DHRS4L2: variants seen among roughly 807,000 people sequenced by gnomAD.
DHRS4L2 encodes dehydrogenase/reductase 4 like 2.
A neutral mutation model predicts 23.9 loss-of-function variants in DHRS4L2; 22 were observed. That is an observed-to-expected ratio of 0.92 (90% confidence interval 0.66 to 1.31). The LOEUF is 1.31. DHRS4L2 is among the 40% of genes most tolerant of loss of function. The pLI, the probability that DHRS4L2 is intolerant of heterozygous loss-of-function variation, is 0.00. For synonymous variants in DHRS4L2, 141 were observed against 123.7 expected (o/e 1.14, Z -0.93); for missense variants, 385 against 303.3 (o/e 1.27, Z -2.00).
upstream of DHRS4L2, among the ~76,000 whole-genome samples, chr14:23,986,512 AAAAAAAAAGAAAG>A (rs2034143142): frequency 7.3e-6 from 1 of 137,270 alleles, no homozygotes; most frequent in Non-Finnish European, 1.6e-5. Flanking sequence ...TATAATAAAA[AAAAAAAAAGAAAG>A]AAAGAAAGAA....
intron 1 of DHRS4L2, among the ~76,000 whole-genome samples, chr14:23,972,166 A>T (rs562231308): frequency 1.3e-5 from 2 of 152,056 alleles, no homozygotes; most frequent in African/African-American, 4.8e-5. Flanking sequence ...TGACTTCAAG[A>T]ATGAAGCTGC....
At chr14:23,992,548 A>G (rs1594468167) in intron 2 of DHRS4L2, among the ~76,000 whole-genome samples, 1 of 151,318 alleles carries the variant, frequency 6.6e-6, no homozygotes. Context: ...CTGGTGTTGT[A>G]AGTGGAAACC....
At position 23,999,355 on chromosome 14, in the gene DHRS4L2, A is replaced by AC. The variant is rs1353672790; in HGVS notation, c.409-1508_409-1507insC. Among the ~76,000 whole-genome samples the AC allele has an allele frequency of 3.9e-5, 5 of 128,502 alleles. 1 individual carries two copies. The highest frequency in any genetic ancestry group is 7.5e-5 in the Admixed American group (1 of 13,316). The allele number at this position is 128,502 out of a possible 152,430, so 84.3% of individuals were successfully genotyped here. On this transcript the variant is annotated intron_variant, in intron 3 of 7. Transcript: ENST00000335125. ...GAAACTCCAATTTGTAAAAAAAAAAAAAAAAAAAAAAAAAAAAAACAATAT... is the reference window on the plus strand; with the variant it reads ...GAAACTCCAATTTGTAAAAAAAAAAACAAAAAAAAAAAAAAAAAAACAATAT...
At chr14:23,992,307 C>T (rs61999849) in intron 2 of DHRS4L2, among the ~76,000 whole-genome samples, 3,496 of 151,458 alleles carry the variant, frequency 0.023, 110 homozygotes, top group Middle Eastern at 0.054. Flanking sequence ...TTAGTGGAAA[C>T]GAACCAAGAT....
upstream of DHRS4L2, chr14:23,987,231 T>G: frequency 2.8e-6 from 1 of 357,292 alleles, no homozygotes; most frequent in South Asian, 2.0e-5. Flanking sequence ...CCCGTGTTCA[T>G]GCCATTCCCC....
At chr14:23,999,125 G>T (rs2034436424) in intron 3 of DHRS4L2, among the ~76,000 whole-genome samples, 1 of 143,652 alleles carries the variant, frequency 7.0e-6, no homozygotes, top group Non-Finnish European at 1.5e-5. Flanking sequence ...TTTCAATTAA[G>T]TTGACCTTCT....
intron 7 of DHRS4L2, chr14:24,004,686 A>T (rs2034540173): frequency 3.6e-6 from 2 of 548,930 alleles, no homozygotes; most frequent in Non-Finnish European, 3.2e-6. Context: ...ATCCATGGAG[A>T]CCAGGGACCA....
rs5000557 is a variant in DHRS4L2, at chr14:23,992,298, T to C, written c.306+1939T>C. On this transcript the variant is annotated intron_variant, in intron 2 of 7. Transcript: ENST00000335125. The stretch of plus-strand genomic sequence containing the variant: ...GGAATAGATGTGCCCAAGAGACATT[T>C]AGTGGAAACGAACCAAGATTTTCCA... Among the ~76,000 whole-genome samples the C allele has an allele frequency of 6.7e-4, 101 of 149,806 alleles. 1 individual carries two copies. Among genetic ancestry groups the C allele is most frequent in the African/African-American group, 2.0e-3 (82 of 40,192 alleles).
chr14:24,004,119 A>C (rs1330198178), intron 6 of DHRS4L2, among the ~76,000 whole-genome samples: 2 of 146,632 alleles, frequency 1.4e-5, no homozygotes, highest in Non-Finnish European at 3.0e-5. Context: ...AAATACAAAA[A>C]ATTAGCCGGG....
rs371577743 is a variant in DHRS4L2 at position 23,990,394 on chromosome 14, G to A, written c.306+35G>A. 6.3e-6 allele frequency: 10 copies of A among 1,585,980 alleles called. No homozygotes were observed. The African/African-American group carries it at 1.1e-4, about 17-fold the overall frequency. On this transcript the variant is annotated intron_variant, in intron 2 of 7. Transcript: ENST00000335125. ...AGGGAAATGGGCACAGAGCCAGGAGGTGGAAAAGGAAGCCAGCCTGAGCCT... is the reference window on the plus strand; with the variant it reads ...AGGGAAATGGGCACAGAGCCAGGAGATGGAAAAGGAAGCCAGCCTGAGCCT...
intron 1 of DHRS4L2, among the ~76,000 whole-genome samples, chr14:23,989,704 C>T (rs1156403934): frequency 6.6e-6 from 1 of 151,770 alleles, no homozygotes; most frequent in African/African-American, 2.4e-5. Flanking sequence ...ATGTGTAACT[C>T]TTCTTCCCAA....
In DHRS4L2 at chr14:23,988,987, C is replaced by G. The variant is rs372560000; in HGVS notation, c.40C>G (p.Arg14Gly). The G allele has an allele frequency of 5.4e-5, 87 of 1,611,410 alleles. 2 individuals carry two copies. The highest frequency in any genetic ancestry group is 5.0e-4 in the Admixed American group (30 of 59,906). The part of the protein sequence containing the change: ...ARLLGLCAWA[R>G]KSVRMASSRM... ...GCTGCTAGGCCTCTGTGCCTGGGCA[C>G]GGAAGTCGGTGCGGATGGCCAGCTC... is the stretch of plus-strand genomic sequence containing the variant. The change falls in exon 1 of 8, where the codon CGG (arginine) becomes GGG (glycine). Residue 14 changes from arginine to glycine, a missense_variant. Coordinates refer to ENST00000335125, the MANE Select transcript of DHRS4L2 (RefSeq NM_198083.4).
At chr14:23,979,115 A>G (rs1190817999) in intron 1 of DHRS4L2, among the ~76,000 whole-genome samples, 1 of 146,784 alleles carries the variant, frequency 6.8e-6, no homozygotes, top group East Asian at 2.2e-4. Context: ...TACCAAGCAA[A>G]TGCAAAGCAA....
intron 2 of DHRS4L2, among the ~76,000 whole-genome samples, chr14:23,992,572 A>G (rs1309159322): frequency 6.6e-6 from 1 of 151,264 alleles, no homozygotes; most frequent in East Asian, 1.9e-4. Context: ...GTAGCTGCCT[A>G]TCTGCTTGAT....
At position 23,989,579 on chromosome 14, in the gene DHRS4L2, A is replaced by C. The variant is rs527412511; in HGVS notation, c.128+504A>C. Among the ~76,000 whole-genome samples, 3 of 151,412 alleles carry C rather than the reference A, an allele frequency of 2.0e-5. No individual in the cohort carries two copies. The East Asian group carries it at 5.8e-4, about 29-fold the overall frequency. The stretch of plus-strand genomic sequence containing the variant: ...GCCTACCTTGCCCAGCCTGTTTCTC[A>C]CCCACCTCTCTTGTCAGTCCTGGTT... On this transcript the variant is annotated intron_variant, in intron 1 of 7. Coordinates refer to ENST00000335125, the MANE Select transcript of DHRS4L2 (RefSeq NM_198083.4).
upstream of DHRS4L2, among the ~76,000 whole-genome samples, chr14:23,986,024 AT>A (rs1394389523): frequency 6.6e-6 from 1 of 151,330 alleles, no homozygotes; most frequent in South Asian, 2.1e-4. Context: ...CACCCGGCTC[AT>A]TTTTTTATTT....
chr14:23,972,696 G>A (rs1398819471), intron 1 of DHRS4L2, among the ~76,000 whole-genome samples: 3 of 151,876 alleles, frequency 2.0e-5, no homozygotes, highest in South Asian at 2.1e-4. Context: ...GGGGACCGGC[G>A]CTCAGCATAC....
In DHRS4L2 at chr14:23,988,995, G is replaced by A. The variant is rs752479726; in HGVS notation, c.48G>A (p.Ser16=). The A allele has an allele frequency of 2.5e-6, 4 of 1,611,328 alleles. No individual in the cohort carries two copies. The highest frequency in any genetic ancestry group is 2.2e-5 in the South Asian group (2 of 90,582). The change falls in exon 1 of 8, where the codon TCG becomes TCA. Residue 16 remains serine, a synonymous_variant. Coordinates refer to ENST00000335125, the MANE Select transcript of DHRS4L2 (RefSeq NM_198083.4). ...LLGLCAWARK[S]VRMASSRMTR... is the part of the protein sequence containing the mutation. ...GCCTCTGTGCCTGGGCACGGAAGTC[G>A]GTGCGGATGGCCAGCTCCAGGATGA...
At chr14:23,971,002 C>T (rs1319098926) in intron 1 of DHRS4L2, among the ~76,000 whole-genome samples, 1 of 152,084 alleles carries the variant, frequency 6.6e-6, no homozygotes, top group Non-Finnish European at 1.5e-5. Flanking sequence ...AGGTCACCAA[C>T]ATCAAAGACC....
Sources: gnomAD v4.1 joint callset for allele counts (sites outside exome capture counted in the v4.1 genomes callset) on GRCh38, gnomAD v4.1.1 for gene constraint, MANE v1.5 for transcripts, NCBI Gene and HGNC (gene_info 2026-07-23, HGNC 2026-07-21) for gene names.